Variants in MEMO1 observed in about 807,000 individuals in gnomAD.
MEMO1 encodes mediator of cell motility 1.
In MEMO1, 6 loss-of-function variants were observed where a neutral mutation model predicts 45.2. The ratio of observed to expected loss-of-function variants is 0.13; its 90% confidence interval spans 0.07 to 0.26. The LOEUF is 0.26. Ranked by LOEUF, MEMO1 falls within the 10% of genes least tolerant of loss-of-function variation. The pLI is 1.00. For missense variants in MEMO1, 184 were observed against 370.5 expected (o/e 0.50, Z 4.13); for synonymous variants, 78 against 124.3 (o/e 0.63, Z 2.48).
At chr2:31,914,447 T>G (rs1215191957) in intron 6 of MEMO1, among the ~76,000 whole-genome samples, 1 of 152,166 alleles carries the variant, frequency 6.6e-6, no homozygotes, top group Admixed American at 6.5e-5. Flanking sequence ...AGGGTGACTA[T>G]AGTCAATAAC....
chr2:32,000,033 C>T (rs1484507171), intron 2 of MEMO1, among the ~76,000 whole-genome samples: 1 of 151,928 alleles, frequency 6.6e-6, no homozygotes, highest in Non-Finnish European at 1.5e-5. Flanking sequence ...CACATCAGCA[C>T]ATCACTACAT....
At chr2:32,002,358 T>C in intron 2 of MEMO1, among the ~76,000 whole-genome samples, 1 of 149,438 alleles carries the variant, frequency 6.7e-6, no homozygotes, top group South Asian at 2.1e-4. Context: ...CATACATATG[T>C]ATGAGGAAAT....
At chr2:31,996,273 C>T (rs1291141556) in intron 2 of MEMO1, among the ~76,000 whole-genome samples, 2 of 151,814 alleles carry the variant, frequency 1.3e-5, no homozygotes, top group East Asian at 3.9e-4. Context: ...AGAGGCATGG[C>T]ACGGTGGCTC....
chr2:31,913,927 T>C (rs1681021708), intron 6 of MEMO1, among the ~76,000 whole-genome samples: 1 of 152,182 alleles, frequency 6.6e-6, no homozygotes, highest in African/African-American at 2.4e-5. Flanking sequence ...GTTTGACCAG[T>C]AGAATGAGGC....
chr2:31,899,813 C>CTTTGTTTAA (rs1558487453), intron 6 of MEMO1, among the ~76,000 whole-genome samples: 1 of 152,038 alleles, frequency 6.6e-6, no homozygotes, highest in East Asian at 1.9e-4. Context: ...CTAGAATCTA[C>CTTTGTTTAA]GAAGAACTTA....
At chr2:31,902,328 G>A (rs547752982) in intron 6 of MEMO1, among the ~76,000 whole-genome samples, 86 of 152,046 alleles carry the variant, frequency 5.7e-4, no homozygotes, top group South Asian at 5.2e-3. Flanking sequence ...AACCTGGGAG[G>A]TGGAGGTTGC....
intron 5 of MEMO1, 51 bp downstream of exon 5, chr2:31,920,747 T>C: frequency 2.9e-6 from 3 of 1,034,094 alleles, no homozygotes; most frequent in Non-Finnish European, 4.1e-6. Flanking sequence ...TTACAAGTCC[T>C]GTTAAAAGAA....
At position 31,912,756 on chromosome 2, in the gene MEMO1, T is replaced by C. The variant is rs549236626; in HGVS notation, c.437+5170A>G. On this transcript the variant is annotated intron_variant, in intron 6 of 9. Transcript: ENST00000404530. ...AACTTACATATGCAAAAATATATGT[T>C]AGTGTATGCATAAAAACCTTTACTG... is the stretch of plus-strand genomic sequence containing the variant. Among the ~76,000 whole-genome samples the C allele has an allele frequency of 4.5e-4, 69 of 152,276 alleles. 2 individuals are homozygous for C. The East Asian group carries it at 0.012, about 27-fold the overall frequency.
At chr2:31,966,082 T>C (rs1198006087) in intron 2 of MEMO1, among the ~76,000 whole-genome samples, 5 of 152,240 alleles carry the variant, frequency 3.3e-5, no homozygotes, top group Non-Finnish European at 5.9e-5. Flanking sequence ...GCCAACTCTT[T>C]CCACCCTTTC....
chr2:31,931,227 C>T (rs1342515344), intron 4 of MEMO1, among the ~76,000 whole-genome samples: 2 of 152,096 alleles, frequency 1.3e-5, no homozygotes, highest in Non-Finnish European at 2.9e-5. Context: ...TGTTTTAAAA[C>T]TTTGAATGAA....
chr2:32,003,711 G>A (rs888383949), intron 2 of MEMO1, among the ~76,000 whole-genome samples: 1 of 152,140 alleles, frequency 6.6e-6, no homozygotes, highest in African/African-American at 2.4e-5. Context: ...TTTCATAAAC[G>A]GGAAACAACA....
intron 2 of MEMO1, among the ~76,000 whole-genome samples, chr2:31,983,665 C>T (rs1005674620): frequency 6.6e-6 from 1 of 152,038 alleles, no homozygotes; most frequent in East Asian, 1.9e-4. Context: ...AACTCCTGAC[C>T]GCAGGTGATC....
At chr2:31,959,509 A>T (rs920165331) in intron 2 of MEMO1, among the ~76,000 whole-genome samples, 1 of 152,128 alleles carries the variant, frequency 6.6e-6, no homozygotes. Context: ...CTGAAAAAAA[A>T]AAAGCCAATC....
At chr2:31,939,646 TA>T (rs1665378748) in intron 3 of MEMO1, among the ~76,000 whole-genome samples, 1 of 152,214 alleles carries the variant, frequency 6.6e-6, no homozygotes, top group Non-Finnish European at 1.5e-5. Context: ...TGAGTTACTA[TA>T]AAGAAATTAT....
chr2:31,910,975 G>A (rs1680479058), intron 6 of MEMO1, among the ~76,000 whole-genome samples: 1 of 148,774 alleles, frequency 6.7e-6, no homozygotes, highest in Admixed American at 6.7e-5. Flanking sequence ...ATGATGAGAG[G>A]AAAAAATTAT....
chr2:31,946,673 C>A (rs1041936515), intron 2 of MEMO1, among the ~76,000 whole-genome samples: 1 of 152,134 alleles, frequency 6.6e-6, no homozygotes, highest in East Asian at 1.9e-4. Flanking sequence ...ACCACCCTGG[C>A]CAACATGGTG....
intron 5 of MEMO1, among the ~76,000 whole-genome samples, chr2:31,918,789 AT>A (rs1681855174): frequency 6.6e-6 from 1 of 152,146 alleles, no homozygotes; most frequent in East Asian, 1.9e-4. Context: ...AATAGAACCA[AT>A]TTTATAATTA....
At chr2:31,954,839 A>G (rs1667229594) in intron 2 of MEMO1, among the ~76,000 whole-genome samples, 1 of 152,056 alleles carries the variant, frequency 6.6e-6, no homozygotes, top group Non-Finnish European at 1.5e-5. Flanking sequence ...TGTTTTGAAA[A>G]AAAAAAAAAA....
chr2:31,941,621 ATAG>A (rs959463637), intron 3 of MEMO1, among the ~76,000 whole-genome samples: 19 of 152,256 alleles, frequency 1.2e-4, no homozygotes, highest in Non-Finnish European at 2.2e-4. Context: ...GACTAAATAA[ATAG>A]TAGTAAGTCA....
Sources: gnomAD v4.1 joint callset for allele counts (sites outside exome capture counted in the v4.1 genomes callset) on GRCh38, gnomAD v4.1.1 for gene constraint, MANE v1.5 for transcripts, NCBI Gene and HGNC (gene_info 2026-07-23, HGNC 2026-07-21) for gene names.